The following INO80 variants were observed in gnomAD, a reference collection of about 807,000 sequenced individuals.
INO80 encodes chromatin-remodeling ATPase INO80.
Under a neutral mutation model 203.4 loss-of-function variants are expected in INO80, and 20 were observed. That is an observed-to-expected ratio of 0.10 (90% confidence interval 0.07 to 0.14). The LOEUF is 0.14. Among genes scored for constraint, INO80 ranks in the 10% least tolerant of loss-of-function variants. INO80 has a pLI of 1.00. For synonymous variants in INO80, 726 were observed against 685.2 expected, an observed-to-expected ratio of 1.06 and a Z score of -0.93; for missense variants, 1,419 against 1,914.4, an observed-to-expected ratio of 0.74 and a Z score of 4.83.
chr15:40,983,815 C>T lies in INO80; in HGVS notation c.4184G>A (p.Arg1395Gln), dbSNP rs780927545. 9.3e-6 allele frequency: 15 copies of T among 1,612,590 alleles called. No individual in the cohort carries two copies. The highest frequency in any genetic ancestry group is 1.3e-5 in the African/African-American group (1 of 74,862). The change falls in exon 34 of 36, where the codon CGA (arginine) becomes CAA (glutamine). Residue 1395 changes from arginine (R) to glutamine (Q), a missense_variant. Physicochemically the swap from Arg to Gln is conservative, Grantham distance 43. Transcript: ENST00000648947. ...DDPASSAPQS[R>Q]ATNSPASITG... ...TATGGATGCGGGAGAGTTGGTAGCTCGAGACTGAGGGGCTGAGGAGGCTGG... is the reference window on the plus strand; with the variant it reads ...TATGGATGCGGGAGAGTTGGTAGCTTGAGACTGAGGGGCTGAGGAGGCTGG...
At chr15:41,080,953 G>A (rs2045476514) in intron 8 of INO80, 67 bp downstream of exon 8, 1 of 992,170 alleles carries the variant, frequency 1.0e-6, no homozygotes, top group South Asian at 1.3e-5. Flanking sequence ...GCAGCAAGAT[G>A]GACCCCAAAG....
At chr15:41,099,618 A>G (rs941390749) in intron 1 of INO80, among the ~76,000 whole-genome samples, 1 of 151,920 alleles carries the variant, frequency 6.6e-6, no homozygotes, top group African/African-American at 2.4e-5. Flanking sequence ...TTGTCTCTAC[A>G]AAAAAATTTA....
rs2045079933 is a variant in INO80, at chr15:41,060,345, T to G, written c.1783-419A>C. Among the ~76,000 whole-genome samples the G allele has an allele frequency of 2.6e-5, 4 of 152,138 alleles. No homozygotes were observed. In the South Asian group the frequency reaches 8.3e-4, roughly 32 times the overall value. ...AGCTCACGCCTGTAATCCCAGCACT[T>G]TGGGAGGTCGAGGCAGGCGGATCAC... On this transcript the variant is annotated intron_variant, in intron 14 of 35. Coordinates refer to ENST00000648947, the MANE Select transcript of INO80 (RefSeq NM_017553.3).
At chr15:41,008,890 A>G (rs2044091172) in intron 27 of INO80, among the ~76,000 whole-genome samples, 2 of 152,108 alleles carry the variant, frequency 1.3e-5, no homozygotes, top group South Asian at 2.1e-4. Flanking sequence ...CTGGAGCGCA[A>G]TGGTGAGATC....
At chr15:40,994,246 G>C (rs948720397) in intron 29 of INO80, among the ~76,000 whole-genome samples, 2 of 152,218 alleles carry the variant, frequency 1.3e-5, no homozygotes, top group East Asian at 3.9e-4. Context: ...TCAGATCTTG[G>C]CTCAAATGTC....
chr15:41,068,843 G>T (rs936102742), intron 14 of INO80, among the ~76,000 whole-genome samples: 1 of 152,100 alleles, frequency 6.6e-6, no homozygotes, highest in Admixed American at 6.6e-5. Context: ...CTCGGCGACA[G>T]AGTGAGACTC....
chr15:40,993,773 T>A (rs956610025), intron 29 of INO80, among the ~76,000 whole-genome samples: 1 of 5,828 alleles, frequency 1.7e-4, no homozygotes, highest in Non-Finnish European at 4.2e-4. Context: ...AATAAATAAA[T>A]AAATAAAAAG....
intron 5 of INO80, among the ~76,000 whole-genome samples, chr15:41,087,973 G>A (rs2045585483): frequency 2.6e-5 from 4 of 151,362 alleles, no homozygotes; most frequent in Admixed American, 1.3e-4. Flanking sequence ...ACTAAGACAT[G>A]AAATTAATTC....
intron 17 of INO80, 23 bp from the exon 18 acceptor site, chr15:41,055,387 A>C (rs1044895563): frequency 6.7e-7 from 1 of 1,484,498 alleles, no homozygotes; most frequent in East Asian, 2.3e-5. Flanking sequence ...ACAAAAATGA[A>C]ATAGCTATAG....
At chr15:41,115,663 G>C (rs2046022604) in intron 1 of INO80, among the ~76,000 whole-genome samples, 1 of 151,608 alleles carries the variant, frequency 6.6e-6, no homozygotes, top group Admixed American at 6.6e-5. Flanking sequence ...CCGCCCCACC[G>C]GGTCCCACGT....
chr15:41,039,713 C>T (rs2044639284), intron 24 of INO80, among the ~76,000 whole-genome samples: 1 of 152,112 alleles, frequency 6.6e-6, no homozygotes, highest in Admixed American at 6.6e-5. Context: ...AATCCATGCC[C>T]TCCACGGACC....
At chr15:41,088,535 C>T (rs527346076) in intron 5 of INO80, among the ~76,000 whole-genome samples, 1 of 152,250 alleles carries the variant, frequency 6.6e-6, no homozygotes, top group African/African-American at 2.4e-5. Context: ...ATAAATAGTG[C>T]CTACATTGCC....
intron 24 of INO80, among the ~76,000 whole-genome samples, chr15:41,035,053 A>G (rs1396358885): frequency 1.3e-5 from 2 of 152,262 alleles, no homozygotes; most frequent in Non-Finnish European, 2.9e-5. Context: ...TATAGTTACT[A>G]TCTTTCCCAG....
intron 20 of INO80, 152 bp downstream of exon 20, chr15:41,049,783 G>T: frequency 1.5e-6 from 1 of 689,292 alleles, no homozygotes; most frequent in Non-Finnish European, 2.4e-6. Flanking sequence ...CTCCTTGGGA[G>T]GCTGAGGCAG....
intron 10 of INO80, 102 bp from the exon 11 acceptor site, chr15:41,073,597 T>C: frequency 2.1e-6 from 2 of 967,522 alleles, no homozygotes; most frequent in Non-Finnish European, 3.4e-6. Flanking sequence ...CTCATTCTAC[T>C]TATCCCTGGG....
chr15:41,049,236 A>T (rs1181981934), intron 21 of INO80, 51 bp downstream of exon 21: 2 of 1,493,616 alleles, frequency 1.3e-6, no homozygotes, highest in Non-Finnish European at 1.8e-6. Context: ...TAAGCCATAA[A>T]ACTGTAAATT....
chr15:41,064,780 T>G (rs1341369027), intron 14 of INO80, among the ~76,000 whole-genome samples: 1 of 152,294 alleles, frequency 6.6e-6, no homozygotes, highest in Non-Finnish European at 1.5e-5. Flanking sequence ...AAGGATCGCT[T>G]GAGCTCAGGA....
At chr15:40,992,137 G>C (rs369225478) in intron 29 of INO80, among the ~76,000 whole-genome samples, 12 of 152,246 alleles carry the variant, frequency 7.9e-5, no homozygotes, top group Non-Finnish European at 1.6e-4. Context: ...GGAGGGTGGA[G>C]CTTTTTCTCC....
chr15:41,055,703 T>C (rs2044970550), intron 17 of INO80, among the ~76,000 whole-genome samples: 1 of 152,256 alleles, frequency 6.6e-6, no homozygotes, highest in South Asian at 2.1e-4. Context: ...TAAGGTATGA[T>C]AACTTGCTAC....
Sources: allele counts gnomAD v4.1 joint callset (sites outside exome capture counted in the v4.1 genomes callset), GRCh38; gene constraint gnomAD v4.1.1; transcripts MANE v1.5; gene names NCBI Gene and HGNC (gene_info 2026-07-23, HGNC 2026-07-21).